Variants in UIMC1 observed in about 807,000 individuals in gnomAD.
UIMC1 encodes the protein BRCA1-A complex subunit RAP80.
Under a neutral mutation model 84.9 loss-of-function variants are expected in UIMC1, and 42 were observed. The observed-to-expected ratio is 0.49, with a 90% CI of 0.39 to 0.64. The LOEUF is 0.64. Ranked by LOEUF, UIMC1 falls within the 30% of genes least tolerant of loss-of-function variation. UIMC1 has a pLI of 0.00. For missense variants in UIMC1, 825 were observed against 847.6 expected, an observed-to-expected ratio of 0.97 and a Z score of 0.33; for synonymous variants, 281 against 293.0, an observed-to-expected ratio of 0.96 and a Z score of 0.42.
At chr5:176,982,219 G>A (rs910514162) in intron 2 of UIMC1, among the ~76,000 whole-genome samples, 1 of 152,172 alleles carries the variant, frequency 6.6e-6, no homozygotes, top group African/African-American at 2.4e-5. Flanking sequence ...GATTCAAATA[G>A]TTCCAAAATG....
At chr5:176,991,010 T>C (rs1772757972) in intron 1 of UIMC1, among the ~76,000 whole-genome samples, 2 of 151,806 alleles carry the variant, frequency 1.3e-5, no homozygotes, top group Non-Finnish European at 2.9e-5. Context: ...TTTTTATTTT[T>C]ATTTTTATTT....
intron 2 of UIMC1, among the ~76,000 whole-genome samples, chr5:176,982,236 T>C (rs1424239167): frequency 1.3e-5 from 2 of 152,226 alleles, no homozygotes; most frequent in African/African-American, 4.8e-5. Flanking sequence ...AATGCCACTT[T>C]GGATTACTAT....
chr5:176,959,991 A>AT (rs758715645), intron 6 of UIMC1, among the ~76,000 whole-genome samples: 2 of 152,212 alleles, frequency 1.3e-5, no homozygotes, highest in Admixed American at 6.5e-5. Flanking sequence ...AGATCGTGCT[A>AT]TTGCACTCCA....
At position 176,937,471 on chromosome 5, in the gene UIMC1, C is replaced by T. The variant is rs552596529; in HGVS notation, c.1597+5864G>A. ...TCGTGCCACTGCACTCCAGCCTGGG[C>T]GACAGAGCAAGACTCTGTCTCAAAA... On this transcript the variant is annotated intron_variant, in intron 10 of 14. Transcript: ENST00000511320. Among the ~76,000 whole-genome samples the T allele has an allele frequency of 3.2e-4, 48 of 152,016 alleles. 2 individuals are homozygous for T. In the South Asian group the frequency reaches 7.7e-3, roughly 24 times the overall value.
intron 4 of UIMC1, chr5:176,970,207 G>A (rs1384026865): frequency 6.1e-6 from 1 of 163,734 alleles, no homozygotes; most frequent in Non-Finnish European, 1.3e-5. Flanking sequence ...AGGAGGCGGA[G>A]TTTGCAGTGA....
At chr5:176,944,152 TTTAAG>T (rs1481897370) in intron 9 of UIMC1, among the ~76,000 whole-genome samples, 1 of 151,824 alleles carries the variant, frequency 6.6e-6, no homozygotes. Flanking sequence ...ACAACTAGGA[TTTAAG>T]TTAAGAACAT....
At chr5:176,994,903 GA>G (rs1773381862) in intron 1 of UIMC1, among the ~76,000 whole-genome samples, 1 of 151,558 alleles carries the variant, frequency 6.6e-6, no homozygotes, top group Admixed American at 6.6e-5. Flanking sequence ...GGTATTTGTA[GA>G]AATAGTTATG....
At chr5:176,926,526 A>C (rs1762407192) in intron 10 of UIMC1, among the ~76,000 whole-genome samples, 1 of 152,044 alleles carries the variant, frequency 6.6e-6, no homozygotes, top group Admixed American at 6.6e-5. Context: ...AGTCCTAGCT[A>C]CTAGGGAGGC....
intron 5 of UIMC1, 33 bp from the exon 6 acceptor site, chr5:176,969,324 A>T (rs1163511486): frequency 1.3e-6 from 2 of 1,561,688 alleles, no homozygotes; most frequent in Non-Finnish European, 1.7e-6. Context: ...AGGGCTAAGG[A>T]CAAACTTTTT....
chr5:176,920,619 T>C (rs1761588305), intron 10 of UIMC1, among the ~76,000 whole-genome samples: 1 of 152,250 alleles, frequency 6.6e-6, no homozygotes, highest in African/African-American at 2.4e-5. Flanking sequence ...GTTCATTTTC[T>C]ATATTGACCT....
intron 8 of UIMC1, among the ~76,000 whole-genome samples, chr5:176,955,121 T>C (rs1766430986): frequency 6.6e-6 from 1 of 152,200 alleles, no homozygotes. Flanking sequence ...AAAGTAGTGG[T>C]TCATATCACA....
chr5:176,980,483 T>A (rs901268721), intron 2 of UIMC1, among the ~76,000 whole-genome samples: 3 of 151,996 alleles, frequency 2.0e-5, no homozygotes, highest in East Asian at 3.9e-4. Context: ...ATGCACAAAA[T>A]TTTTTTTCCG....
chr5:176,928,663 A>T (rs1460889721), intron 10 of UIMC1, among the ~76,000 whole-genome samples: 5 of 152,208 alleles, frequency 3.3e-5, no homozygotes, highest in Admixed American at 6.5e-5. Context: ...TGGTATTAAA[A>T]ATTATCGGCT....
chr5:177,006,466 G>C (rs902304144), intron 1 of UIMC1, 184 bp downstream of exon 1: 1 of 152,192 alleles, frequency 6.6e-6, no homozygotes, highest in Non-Finnish European at 1.5e-5. Context: ...CCGGCGTCCG[G>C]AGCCCACCCC....
At chr5:176,967,396 A>G (rs1433987040) in intron 6 of UIMC1, among the ~76,000 whole-genome samples, 1 of 152,168 alleles carries the variant, frequency 6.6e-6, no homozygotes, top group Non-Finnish European at 1.5e-5. Flanking sequence ...TTTGTGTAAA[A>G]GAAGGCAGGG....
intron 10 of UIMC1, among the ~76,000 whole-genome samples, chr5:176,938,368 A>G (rs1479559533): frequency 2.6e-5 from 4 of 152,112 alleles, no homozygotes; most frequent in African/African-American, 7.2e-5. Flanking sequence ...GGCAAGGAAG[A>G]TGGGGCAGGC....
At chr5:176,984,125 G>A (rs1278328664) in intron 1 of UIMC1, among the ~76,000 whole-genome samples, 3 of 131,890 alleles carry the variant, frequency 2.3e-5, no homozygotes, top group African/African-American at 8.7e-5. Flanking sequence ...TGTCTGGAAA[G>A]TGAGGAGTGC....
At chr5:176,977,531 C>T (rs759506517) in intron 2 of UIMC1, among the ~76,000 whole-genome samples, 8 of 146,850 alleles carry the variant, frequency 5.4e-5, no homozygotes, top group Non-Finnish European at 1.0e-4. Flanking sequence ...GCCGAGATCA[C>T]GTCACTGTGC....
chr5:176,997,697 A>C (rs1773824105), intron 1 of UIMC1, among the ~76,000 whole-genome samples: 1 of 125,252 alleles, frequency 8.0e-6, no homozygotes, highest in South Asian at 2.6e-4. Flanking sequence ...AAAAAAAAAA[A>C]AAAAAAAACC....
Sources: allele counts gnomAD v4.1 joint callset (sites outside exome capture counted in the v4.1 genomes callset), GRCh38; gene constraint gnomAD v4.1.1; transcripts MANE v1.5; gene names NCBI Gene and HGNC (gene_info 2026-07-23, HGNC 2026-07-21).